Variants in GRM5 observed in about 807,000 individuals in gnomAD.
GRM5 encodes glutamate metabotropic receptor 5.
GRM5 carries 19 observed loss-of-function variants against 83.1 expected under a neutral mutation model. The ratio of observed to expected loss-of-function variants is 0.23; its 90% CI spans 0.16 to 0.34. The LOEUF (loss-of-function observed/expected upper bound fraction) is 0.34. Ranked by LOEUF, GRM5 falls within the 10% of genes least tolerant of loss-of-function variation. The pLI is 1.00. For synonymous variants in GRM5, 675 were observed against 633.6 expected, an observed-to-expected ratio of 1.07 and a Z score of -0.98; for missense variants, 1,160 against 1,588.3, an observed-to-expected ratio of 0.73 and a Z score of 4.58.
chr11:88,729,821 A>T (rs1941767489), intron 3 of GRM5, among the ~76,000 whole-genome samples: 1 of 152,350 alleles, frequency 6.6e-6, no homozygotes, highest in Admixed American at 6.5e-5. Flanking sequence ...AAAACTGGCT[A>T]GCCATATGTA....
At chr11:88,981,347 G>A (rs1359727056) in intron 2 of GRM5, among the ~76,000 whole-genome samples, 2 of 152,122 alleles carry the variant, frequency 1.3e-5, no homozygotes, top group Admixed American at 1.3e-4. Flanking sequence ...ACATCAATAT[G>A]TACAAGTCTG....
chr11:88,998,582 G>T (rs1940269303), intron 2 of GRM5, among the ~76,000 whole-genome samples: 1 of 152,118 alleles, frequency 6.6e-6, no homozygotes, highest in Non-Finnish European at 1.5e-5. Flanking sequence ...TCTAGCCAGT[G>T]CAACAGGCAA....
intron 2 of GRM5, among the ~76,000 whole-genome samples, chr11:89,042,817 A>G (rs977745728): frequency 6.8e-6 from 1 of 147,376 alleles, no homozygotes; most frequent in African/African-American, 2.7e-5. Flanking sequence ...TTAAGTAAAT[A>G]ACTGATGGGA....
At chr11:88,946,856 C>G (rs1938298198) in intron 2 of GRM5, among the ~76,000 whole-genome samples, 1 of 152,036 alleles carries the variant, frequency 6.6e-6, no homozygotes, top group Admixed American at 6.6e-5. Flanking sequence ...AAAATGAGAA[C>G]AGGATGGCAT....
intron 7 of GRM5, among the ~76,000 whole-genome samples, chr11:88,570,550 AATATATAT>A (rs199551301): frequency 1.4e-5 from 1 of 71,960 alleles, no homozygotes; most frequent in African/African-American, 8.2e-5. Flanking sequence ...AAGTATTAAT[AATATATAT>A]ATATATATAT....
chr11:88,770,893 C>T (rs768496074), intron 3 of GRM5, among the ~76,000 whole-genome samples: 15 of 152,048 alleles, frequency 9.9e-5, no homozygotes, highest in East Asian at 1.9e-4. Context: ...TGTCACTTAG[C>T]GTCAGAATGG....
At chr11:88,828,636 A>G (rs1943934351) in intron 3 of GRM5, among the ~76,000 whole-genome samples, 1 of 152,192 alleles carries the variant, frequency 6.6e-6, no homozygotes, top group African/African-American at 2.4e-5. Context: ...TGATTAAAAA[A>G]TTTTAGTGAA....
chr11:89,015,574 C>T (rs1026314534), intron 2 of GRM5, among the ~76,000 whole-genome samples: 1 of 152,150 alleles, frequency 6.6e-6, no homozygotes, highest in Admixed American at 6.6e-5. Context: ...CATACTTCAT[C>T]AGGCAATGGC....
chr11:88,621,832 C>T (rs887853489), intron 4 of GRM5, among the ~76,000 whole-genome samples: 5 of 152,154 alleles, frequency 3.3e-5, no homozygotes, highest in South Asian at 2.1e-4. Context: ...ATTGCAAAAA[C>T]GAATTACATT....
In GRM5 at chr11:89,009,914, A is replaced by AC. The variant is rs1565333845; in HGVS notation, c.661+37297_661+37298insG. On this transcript the variant is annotated intron_variant, in intron 2 of 9. Coordinates refer to ENST00000305447, the MANE Select transcript of GRM5 (RefSeq NM_001143831.3). Reference sequence around the variant, plus strand: ...AGACTCCGTCTCAAAAAAAAAAAAAAAAAAAAAAAAAAAAAACACACACAA... The same window carrying AC: ...AGACTCCGTCTCAAAAAAAAAAAAAACAAAAAAAAAAAAAAAACACACACAA... Among the ~76,000 whole-genome samples, 8 of 142,254 alleles carry AC rather than the reference A, an allele frequency of 5.6e-5. 1 individual carries two copies. Among genetic ancestry groups the AC allele is most frequent in the African/African-American group, 1.9e-4 (7 of 37,428 alleles). 93.3% of individuals were successfully genotyped at this position (142,254 alleles called of 152,430 possible). A position where few individuals can be genotyped will look rare whatever the true frequency, so the allele number is the denominator to read the frequency against.
At chr11:88,536,905 T>C (rs554445940) in intron 8 of GRM5, among the ~76,000 whole-genome samples, 1 of 152,252 alleles carries the variant, frequency 6.6e-6, no homozygotes, top group Non-Finnish European at 1.5e-5. Context: ...ATAGAAAAAC[T>C]TTCCCTATAT....
At chr11:88,826,672 T>A (rs1488049562) in intron 3 of GRM5, among the ~76,000 whole-genome samples, 1 of 152,154 alleles carries the variant, frequency 6.6e-6, no homozygotes, top group Non-Finnish European at 1.5e-5. Context: ...AAAAGCATTT[T>A]GTAATCTTTA....
intron 4 of GRM5, among the ~76,000 whole-genome samples, chr11:88,615,649 TAAA>T (rs58256186): frequency 3.9e-4 from 47 of 119,728 alleles, no homozygotes; most frequent in Non-Finnish European, 4.9e-4. Flanking sequence ...ATTAAGAAAC[TAAA>T]AAAAAAAAAA....
chr11:88,733,889 G>T (rs1245504310), intron 3 of GRM5, among the ~76,000 whole-genome samples: 1 of 151,870 alleles, frequency 6.6e-6, no homozygotes, highest in Non-Finnish European at 1.5e-5. Context: ...GAAAAAGAGG[G>T]TCTATGACCA....
At chr11:88,984,698 A>G in intron 2 of GRM5, 1 of 608,458 alleles carries the variant, frequency 1.6e-6, no homozygotes, top group South Asian at 2.0e-5. Context: ...AAAAGGGTTA[A>G]AAGTTTATGT....
At chr11:89,060,042 G>C (rs1446778168) in intron 1 of GRM5, among the ~76,000 whole-genome samples, 1 of 152,010 alleles carries the variant, frequency 6.6e-6, no homozygotes, top group African/African-American at 2.4e-5. Flanking sequence ...TTCAAACCCA[G>C]GCAATTTGAA....
rs1470202923 is a variant in GRM5 at position 88,604,595 on chromosome 11, AG to A, written c.1394+122del. On this transcript the variant is annotated intron_variant, in intron 5 of 9. Transcript: ENST00000305447. ...TCTATCTTTGCTCATTTGGGATGTC[AG>A]GGAAGGGGAAACATTACCAGGAAAC... 15 of 802,258 alleles carry A rather than the reference AG, an allele frequency of 1.9e-5. No individual in the cohort carries two copies. The African/African-American group carries it at 2.2e-4, about 12-fold the overall frequency. The allele number at this position is 802,258 out of a possible 1,614,324, so 49.7% of individuals were successfully genotyped here.
At chr11:88,628,369 A>G (rs1938865179) in intron 4 of GRM5, among the ~76,000 whole-genome samples, 1 of 152,230 alleles carries the variant, frequency 6.6e-6, no homozygotes, top group South Asian at 2.1e-4. Context: ...GGATGTAAGA[A>G]GTGATAATTT....
chr11:88,579,817 A>G (rs943503836), intron 7 of GRM5, among the ~76,000 whole-genome samples: 1 of 152,226 alleles, frequency 6.6e-6, no homozygotes, highest in African/African-American at 2.4e-5. Flanking sequence ...ACAATGGAGT[A>G]ACATGACCTG....
Sources: gnomAD v4.1 joint callset for allele counts (sites outside exome capture counted in the v4.1 genomes callset) on GRCh38, gnomAD v4.1.1 for gene constraint, MANE v1.5 for transcripts, NCBI Gene and HGNC (gene_info 2026-07-23, HGNC 2026-07-21) for gene names.